MRE11: variants seen among roughly 807,000 people sequenced by gnomAD.
The protein encoded by MRE11 is double-strand break repair protein MRE11.
MRE11 carries 62 observed loss-of-function variants against 91.7 expected under a neutral mutation model. The ratio of observed to expected loss-of-function variants is 0.68; its 90% CI spans 0.55 to 0.84. MRE11 has a LOEUF of 0.84. Among genes scored for constraint, MRE11 ranks in the 40% least tolerant of loss-of-function variants. The pLI is 0.00. For missense variants in MRE11, 796 were observed against 852.9 expected (o/e 0.93, Z 0.83); for synonymous variants, 273 against 271.4 (o/e 1.01, Z -0.06).
intron 19 of MRE11, among the ~76,000 whole-genome samples, chr11:94,429,624 T>C (rs1003414938): frequency 6.6e-6 from 1 of 152,142 alleles, no homozygotes; most frequent in Non-Finnish European, 1.5e-5. Flanking sequence ...TGAGTTCACA[T>C]GGACATGAAG....
chr11:94,484,839 A>T (rs1416547133), intron 4 of MRE11, among the ~76,000 whole-genome samples: 1 of 152,258 alleles, frequency 6.6e-6, no homozygotes, highest in East Asian at 1.9e-4. Flanking sequence ...AAGACAAGGA[A>T]AGACAGAAAA....
intron 14 of MRE11, among the ~76,000 whole-genome samples, chr11:94,449,592 C>T (rs960224362): frequency 1.3e-5 from 2 of 152,186 alleles, no homozygotes; most frequent in African/African-American, 4.8e-5. Flanking sequence ...TTAAAGTGTC[C>T]TTTCTGTGAT....
upstream of MRE11, among the ~76,000 whole-genome samples, chr11:94,495,457 A>T (rs1279824568): frequency 6.6e-6 from 1 of 152,228 alleles, no homozygotes; most frequent in African/African-American, 2.4e-5. Context: ...GCACCAAAAA[A>T]AGTAGAAAGC....
intron 1 of MRE11, among the ~76,000 whole-genome samples, chr11:94,493,349 G>C (rs1469367497): frequency 3.9e-5 from 6 of 152,114 alleles, no homozygotes; most frequent in Admixed American, 3.9e-4. Context: ...GTTTGGAAAA[G>C]GGAACGGGCC....
chr11:94,443,828 A>C (rs1186073696), intron 16 of MRE11, among the ~76,000 whole-genome samples: 4 of 152,102 alleles, frequency 2.6e-5, no homozygotes, highest in Admixed American at 2.0e-4. Flanking sequence ...AAATCTATTC[A>C]TTCCACATTT....
At chr11:94,494,042 T>A (rs12294513), upstream of MRE11, 174 of 152,482 alleles carry the variant, frequency 1.1e-3, no homozygotes, top group African/African-American at 3.9e-3. Context: ...TCAGGTGGGT[T>A]GTTATTCCCT....
chr11:94,509,162 T>C, the MRE11 span, among the ~76,000 whole-genome samples: 3 of 152,242 alleles, frequency 2.0e-5, no homozygotes, highest in African/African-American at 7.2e-5. Flanking sequence ...TTCAGTGTTA[T>C]AATTCTTGAA....
intron 16 of MRE11, among the ~76,000 whole-genome samples, chr11:94,443,497 CAG>C (rs1320588655): frequency 6.6e-6 from 1 of 152,178 alleles, no homozygotes; most frequent in Non-Finnish European, 1.5e-5. Flanking sequence ...TTTATCAACT[CAG>C]GGCAAAACTG....
intron 11 of MRE11, among the ~76,000 whole-genome samples, chr11:94,462,135 A>T (rs2135008220): frequency 6.6e-6 from 1 of 152,272 alleles, no homozygotes; most frequent in Admixed American, 6.5e-5. Flanking sequence ...TACACCAATA[A>T]CAGACAAACA....
chr11:94,459,752 G>A (rs994800716), intron 12 of MRE11, among the ~76,000 whole-genome samples, 171 bp from the exon 13 acceptor site: 1 of 152,172 alleles, frequency 6.6e-6, no homozygotes, highest in African/African-American at 2.4e-5. Context: ...AACCAGAAAT[G>A]GGGGAGGAGT....
chr11:94,445,745 A>G (rs1945908429), intron 16 of MRE11, 65 bp downstream of exon 16: 4 of 1,166,568 alleles, frequency 3.4e-6, no homozygotes, highest in South Asian at 1.2e-5. Flanking sequence ...AGGGCTACCA[A>G]TGGTGATTAC....
intron 19 of MRE11, among the ~76,000 whole-genome samples, chr11:94,427,405 G>A (rs1945352287): frequency 6.6e-6 from 1 of 152,006 alleles, no homozygotes; most frequent in African/African-American, 2.4e-5. Context: ...AAAATAATAA[G>A]AGCCAGCTAT....
intron 7 of MRE11, chr11:94,475,765 A>C (rs1946837109): frequency 3.4e-5 from 13 of 376,962 alleles, no homozygotes; most frequent in South Asian, 2.6e-4. Context: ...AAAGCAAAAA[A>C]CTCCTGTTCA....
At chr11:94,420,658 C>T (rs1276005166) in intron 19 of MRE11, among the ~76,000 whole-genome samples, 1 of 152,218 alleles carries the variant, frequency 6.6e-6, no homozygotes, top group Non-Finnish European at 1.5e-5. Flanking sequence ...TACTCTCACA[C>T]TTATGCAAAA....
the MRE11 span, among the ~76,000 whole-genome samples, chr11:94,506,941 T>C: frequency 4.6e-5 from 7 of 152,138 alleles, no homozygotes; most frequent in Non-Finnish European, 8.8e-5. Context: ...ATAAACCACA[T>C]TTTTATGAGT....
the MRE11 span, among the ~76,000 whole-genome samples, chr11:94,506,277 T>C: frequency 6.6e-6 from 1 of 151,754 alleles, no homozygotes; most frequent in Non-Finnish European, 1.5e-5. Flanking sequence ...TCCTGCAACA[T>C]GTAATTTTCC....
chr11:94,461,690 G>C (rs1302427345), intron 11 of MRE11, among the ~76,000 whole-genome samples: 1 of 152,200 alleles, frequency 6.6e-6, no homozygotes, highest in Non-Finnish European at 1.5e-5. Context: ...CCTGTTTGCA[G>C]ATGACATGAT....
At chr11:94,426,870 G>GGCT in intron 19 of MRE11, among the ~76,000 whole-genome samples, 1 of 152,080 alleles carries the variant, frequency 6.6e-6, no homozygotes, top group South Asian at 2.1e-4. Flanking sequence ...GTGAAAACCT[G>GGCT]AACAGACCAA....
intron 5 of MRE11, 82 bp downstream of exon 5, chr11:94,479,592 A>AT: frequency 6.6e-6 from 8 of 1,219,130 alleles, no homozygotes; most frequent in Non-Finnish European, 9.6e-6. Context: ...CACAATGAGA[A>AT]AAAGGGAAGG....
Sources: allele counts gnomAD v4.1 joint callset (sites outside exome capture counted in the v4.1 genomes callset), GRCh38; gene constraint gnomAD v4.1.1; transcripts MANE v1.5; gene names NCBI Gene and HGNC (gene_info 2026-07-23, HGNC 2026-07-21).